The following ACVR2B variants were observed in gnomAD, a reference collection of about 807,000 sequenced individuals.
ACVR2B encodes activin A receptor type 2B.
Under a neutral mutation model 65.1 loss-of-function variants are expected in ACVR2B, and 18 were observed. The observed-to-expected ratio is 0.28, with a 90% CI of 0.19 to 0.41. The LOEUF is 0.41. Among genes scored for constraint, ACVR2B ranks in the 10% least tolerant of loss-of-function variants. The probability of loss-of-function intolerance (pLI) is 1.00; values close to 1 mark genes in which losing one functional copy is unlikely to be tolerated. For missense variants in ACVR2B, 482 were observed against 682.7 expected (o/e 0.71, Z 3.28); for synonymous variants, 298 against 277.7 (o/e 1.07, Z -0.73).
rs1174345130 is a variant in ACVR2B, at chr3:38,477,434, C to G, written c.200C>G (p.Ser67Cys). The change falls in exon 2 of 11, where the codon TCT becomes TGT. Residue 67 changes from serine to cysteine, a missense_variant. Transcript: ENST00000352511. This position sits in a 1 kb window ranked among gnomAD's most constrained non-coding sequence, Gnocchi z 6.7. ...TGCTACGCCTCCTGGCGCAACAGCT[C>G]TGGCACCATCGAGCTCGTGAAGAAG... Reference protein sequence around the residue: ...LHCYASWRNSSGTIELVKKGC... With the variant: ...LHCYASWRNSCGTIELVKKGC... 2 of 1,614,076 alleles carry G rather than the reference C, an allele frequency of 1.2e-6. No homozygotes were observed. The highest frequency in any genetic ancestry group is 1.7e-6 in the Non-Finnish European group (2 of 1,180,026).
intron 1 of ACVR2B, among the ~76,000 whole-genome samples, chr3:38,471,304 G>T (rs1349327747): frequency 6.6e-6 from 1 of 152,194 alleles, no homozygotes; most frequent in African/African-American, 2.4e-5. Context: ...ACAAGAAGAT[G>T]ATCAGTCTCA....
At position 38,481,109 on chromosome 3, in the gene ACVR2B, A is replaced by G. The variant is rs1710009851; in HGVS notation, c.960-242A>G. On this transcript the variant is annotated intron_variant, in intron 7 of 10. Transcript: ENST00000352511. The surrounding 1 kb of genome is among the most constrained non-coding windows in gnomAD (Gnocchi z 4.7). ...CTGGGACAGGGTCTGCCCAGCCATTAGGGTAGGTGTTGCTTTGCCAACCCT... is the reference window on the plus strand; with the variant it reads ...CTGGGACAGGGTCTGCCCAGCCATTGGGGTAGGTGTTGCTTTGCCAACCCT... 6.6e-6 allele frequency among the ~76,000 whole-genome samples: 1 copy of G among 152,164 alleles called. No homozygotes were observed. The highest frequency in any genetic ancestry group is 2.1e-4 in the South Asian group (1 of 4,830).
At position 38,477,989 on chromosome 3, in the gene ACVR2B, A is replaced by G. The variant is rs1039960005; in HGVS notation, c.370+19A>G. The G allele has an allele frequency of 1.9e-6, 3 of 1,613,044 alleles. No individual in the cohort carries two copies. The highest frequency in any genetic ancestry group is 2.5e-6 in the Non-Finnish European group (3 of 1,179,230). On this transcript the variant is annotated intron_variant, in intron 3 of 10. Transcript: ENST00000352511. This position sits in a 1 kb window ranked among gnomAD's most constrained non-coding sequence, Gnocchi z 6.7. Reference sequence around the variant, plus strand: ...CCGGAAGGTAAGGGGGCAGTGTGGAAGTGGGGCCTTGAGTCAGCCGACCTG... The same window carrying G: ...CCGGAAGGTAAGGGGGCAGTGTGGAGGTGGGGCCTTGAGTCAGCCGACCTG...
intron 1 of ACVR2B, among the ~76,000 whole-genome samples, chr3:38,472,213 A>T (rs781773579): frequency 6.6e-5 from 10 of 151,920 alleles, no homozygotes; most frequent in Non-Finnish European, 1.3e-4. Flanking sequence ...GGTGGTGGAG[A>T]TGCTGCTTTG....
intron 6 of ACVR2B, 57 bp downstream of exon 6, chr3:38,479,328 C>G (rs1709975876): frequency 6.8e-6 from 11 of 1,612,640 alleles, no homozygotes; most frequent in Non-Finnish European, 9.3e-6. Flanking sequence ...CCCTTGGTGG[C>G]TCTCCATAAT....
Position 38,484,253 on chromosome 3 carries a change from G to A in ACVR2B, c.*921G>A, listed in dbSNP as rs963769361. The A allele has an allele frequency of 6.6e-6, 1 of 152,276 alleles. No individual in the cohort carries two copies. The highest frequency in any genetic ancestry group is 2.4e-5 in the African/African-American group (1 of 41,454). 9.4% of individuals were successfully genotyped at this position (152,276 alleles called of 1,614,324 possible). On this transcript the variant is annotated 3_prime_UTR_variant, in exon 11 of 11. Transcript: ENST00000352511. ...GCCCTAATTTTAAAACTAGGTGAGG[G>A]TAGAATCATCACAGGTTAGGAATAC... is the stretch of plus-strand genomic sequence containing the variant.
chr3:38,458,979 C>A (rs1328213990), intron 1 of ACVR2B, among the ~76,000 whole-genome samples: 1 of 152,116 alleles, frequency 6.6e-6, no homozygotes, highest in Non-Finnish European at 1.5e-5. Flanking sequence ...TCCAGTAGAT[C>A]CTCTTTAATC....
Position 38,484,219 on chromosome 3 carries a change from A to AT in ACVR2B, c.*893dup, listed in dbSNP as rs1341753774. 2.0e-5 allele frequency: 3 copies of AT among 152,302 alleles called. No homozygotes were observed. Among genetic ancestry groups the AT allele is most frequent in the Non-Finnish European group, 2.9e-5 (2 of 68,036 alleles). 9.4% of individuals were successfully genotyped at this position (152,302 alleles called of 1,614,324 possible). A position where few individuals can be genotyped will look rare whatever the true frequency, so the allele number is the denominator to read the frequency against. On this transcript the variant is annotated 3_prime_UTR_variant, in exon 11 of 11. Transcript: ENST00000352511. ...CTTGGCCTTGGGCATAGGATGAAAC[A>AT]TTTTTTCTGCCCTAATTTTAAAACT...
chr3:38,465,224 C>T (rs1302923128), intron 1 of ACVR2B, among the ~76,000 whole-genome samples: 1 of 151,960 alleles, frequency 6.6e-6, no homozygotes, highest in Non-Finnish European at 1.5e-5. Context: ...TGGTGAAACC[C>T]TGTCTCTACT....
At chr3:38,455,429 C>T (rs1709531749) in intron 1 of ACVR2B, among the ~76,000 whole-genome samples, 4 of 152,148 alleles carry the variant, frequency 2.6e-5, no homozygotes, top group Admixed American at 2.6e-4. Context: ...CCCCGCCGCC[C>T]TCGGTGGCAG....
chr3:38,486,478 T>C lies in ACVR2B; in HGVS notation c.*3146T>C, dbSNP rs1319936709. 2.0e-5 allele frequency: 3 copies of C among 152,282 alleles called. No homozygotes were observed. Among genetic ancestry groups the C allele is most frequent in the Non-Finnish European group, 4.4e-5 (3 of 68,082 alleles). The allele number at this position is 152,282 out of a possible 1,614,324, so 9.4% of individuals were successfully genotyped here. A position where few individuals can be genotyped will look rare whatever the true frequency, so the allele number is the denominator to read the frequency against. ...GAGTGAGCCATCTCGAGCCCTGCTTTGAATTTACTGGGTCATAGAGCCTCT... is the reference window on the plus strand; with the variant it reads ...GAGTGAGCCATCTCGAGCCCTGCTTCGAATTTACTGGGTCATAGAGCCTCT... On this transcript the variant is annotated 3_prime_UTR_variant, in exon 11 of 11. Coordinates refer to ENST00000352511, the MANE Select transcript of ACVR2B (RefSeq NM_001106.4).
Position 38,486,644 on chromosome 3 carries a change from G to A in ACVR2B, c.*3312G>A, listed in dbSNP as rs1425951326. Reference sequence around the variant, plus strand: ...CTGGCATCATTTTCCCTGTCAATGGGAGGGGCTGTTCCATGCAGGGTGGGA... The same window carrying A: ...CTGGCATCATTTTCCCTGTCAATGGAAGGGGCTGTTCCATGCAGGGTGGGA... On this transcript the variant is annotated 3_prime_UTR_variant, in exon 11 of 11. Transcript: ENST00000352511. 1.3e-5 allele frequency: 2 copies of A among 152,208 alleles called. No homozygotes were observed. Among genetic ancestry groups the A allele is most frequent in the African/African-American group, 4.8e-5 (2 of 41,452 alleles). 9.4% of individuals were successfully genotyped at this position (152,208 alleles called of 1,614,324 possible). A position where few individuals can be genotyped will look rare whatever the true frequency, so the allele number is the denominator to read the frequency against.
rs1709778608 is a variant in ACVR2B, at chr3:38,469,077, T to C, written c.53-8210T>C. On this transcript the variant is annotated intron_variant, in intron 1 of 10. Coordinates refer to ENST00000352511, the MANE Select transcript of ACVR2B (RefSeq NM_001106.4). ...TCTAGGCGGGACTTCTGAAGGCAGA[T>C]GGAGCTCCTCCTGTCACCTTGGAAG... Among the ~76,000 whole-genome samples, 6 of 152,218 alleles carry C rather than the reference T, an allele frequency of 3.9e-5. No homozygotes were observed. The South Asian group carries it at 1.2e-3, about 31-fold the overall frequency.
At position 38,478,196 on chromosome 3, in the gene ACVR2B, A is replaced by G. The variant is rs1465665102; in HGVS notation, c.426A>G (p.Ser142=). The G allele has an allele frequency of 1.2e-6, 2 of 1,613,514 alleles. No homozygotes were observed. The highest frequency in any genetic ancestry group is 1.7e-6 in the Non-Finnish European group (2 of 1,179,966). The change falls in exon 4 of 11, where the codon TCA becomes TCG. Residue 142 remains serine (S), a synonymous_variant. Transcript: ENST00000352511. ...APTLLTVLAY[S]LLPIGGLSLI... is the part of the protein sequence containing the mutation. ...CCCTGCTCACGGTGCTGGCCTACTC[A>G]CTGCTGCCCATCGGGGGCCTTTCCC...
At chr3:38,479,635 G>A (rs983137335) in intron 6 of ACVR2B, 43 bp from the exon 7 acceptor site, 3 of 1,612,128 alleles carry the variant, frequency 1.9e-6, no homozygotes, top group Admixed American at 1.7e-5. Flanking sequence ...GTCCTGTCCT[G>A]TACCCAGAAT....
rs1296123674 is a variant in ACVR2B, at chr3:38,489,639, C to T, written c.*6307C>T. On this transcript the variant is annotated 3_prime_UTR_variant, in exon 11 of 11. Coordinates refer to ENST00000352511, the MANE Select transcript of ACVR2B (RefSeq NM_001106.4). The stretch of plus-strand genomic sequence containing the variant: ...TCTGTTGAACAAAGGGTTCTGAGGT[C>T]AAAAATTAGTTTGTAAGCCTTTGCC... 1.3e-5 allele frequency: 2 copies of T among 152,440 alleles called. No individual in the cohort carries two copies. Among genetic ancestry groups the T allele is most frequent in the African/African-American group, 4.8e-5 (2 of 41,360 alleles). 9.4% of individuals were successfully genotyped at this position (152,440 alleles called of 1,614,324 possible).
intron 7 of ACVR2B, among the ~76,000 whole-genome samples, chr3:38,480,113 C>T (rs1276180639): frequency 1.3e-5 from 2 of 152,056 alleles, no homozygotes; most frequent in East Asian, 3.9e-4. Flanking sequence ...AGTTTAGGAT[C>T]CCTTTATACT....
In ACVR2B at chr3:38,485,108, T is replaced by C. The variant is rs1269891677; in HGVS notation, c.*1776T>C. The C allele has an allele frequency of 1.3e-5, 2 of 152,164 alleles. No individual in the cohort carries two copies. Among genetic ancestry groups the C allele is most frequent in the African/African-American group, 4.8e-5 (2 of 41,452 alleles). 9.4% of individuals were successfully genotyped at this position (152,164 alleles called of 1,614,324 possible). On this transcript the variant is annotated 3_prime_UTR_variant, in exon 11 of 11. Transcript: ENST00000352511. ...ACAGTGCATCTCTTCATCGTGAGGG[T>C]AGGCAAGGCGGGGGCCGTGGGGAGA...
chr3:38,459,204 A>AT (rs1437087816), intron 1 of ACVR2B, among the ~76,000 whole-genome samples: 1 of 152,104 alleles, frequency 6.6e-6, no homozygotes, highest in Admixed American at 6.5e-5. Flanking sequence ...AGCCTAGGAG[A>AT]TTCCTGCTTA....
Sources: gnomAD v4.1 joint callset for allele counts (sites outside exome capture counted in the v4.1 genomes callset) on GRCh38, gnomAD v4.1.1 for gene constraint, Gnocchi (gnomAD v3.1) non-coding constraint, MANE v1.5 for transcripts, NCBI Gene and HGNC (gene_info 2026-07-23, HGNC 2026-07-21) for gene names.